The following PSMC6 variants were observed in gnomAD, a reference collection of about 807,000 sequenced individuals.
PSMC6 encodes the protein proteasome 26S subunit, ATPase 6.
A neutral mutation model predicts 55.9 loss-of-function variants in PSMC6; 3 were observed. The observed-to-expected ratio is 0.05, with a 90% confidence interval of 0.02 to 0.14. The LOEUF is 0.14. Ranked by LOEUF, PSMC6 falls within the 10% of genes least tolerant of loss-of-function variation. PSMC6 has a pLI of 1.00. For missense variants in PSMC6, 210 were observed against 478.7 expected (o/e 0.44, Z 5.24); for synonymous variants, 137 against 155.9 (o/e 0.88, Z 0.90).
At chr14:52,714,865 C>CAAAAA (rs373579933) in intron 7 of PSMC6, among the ~76,000 whole-genome samples, 1 of 67,102 alleles carries the variant, frequency 1.5e-5, no homozygotes, top group Non-Finnish European at 2.8e-5. Flanking sequence ...GACTCCTTCT[C>CAAAAA]AAAAAAAAAA....
At chr14:52,716,689 G>C (rs1014995798) in intron 7 of PSMC6, among the ~76,000 whole-genome samples, 1 of 152,020 alleles carries the variant, frequency 6.6e-6, no homozygotes, top group East Asian at 1.9e-4. Context: ...GGAGGCAGAG[G>C]TTGCAGTGAG....
At chr14:52,708,563 C>A in intron 3 of PSMC6, 41 bp downstream of exon 3, 2 of 1,581,594 alleles carry the variant, frequency 1.3e-6, no homozygotes, top group South Asian at 2.2e-5. Flanking sequence ...AAGAAACAGT[C>A]CACCTCTCTC....
chr14:52,708,924 C>CA, intron 4 of PSMC6, 108 bp downstream of exon 4: 3 of 1,488,552 alleles, frequency 2.0e-6, no homozygotes, highest in Non-Finnish European at 2.7e-6. Flanking sequence ...GCCCATAACT[C>CA]ACAAGGATGA....
At position 52,727,868 on chromosome 14, in the gene PSMC6, T is replaced by G. The variant is rs540556182; in HGVS notation, c.*251T>G. The G allele has an allele frequency of 2.5e-5, 8 of 322,436 alleles. No individual in the cohort carries two copies. In the East Asian group the frequency reaches 4.3e-4, roughly 17 times the overall value. 20.0% of individuals were successfully genotyped at this position (322,436 alleles called of 1,614,324 possible). A position where few individuals can be genotyped will look rare whatever the true frequency, so the allele number is the denominator to read the frequency against. The stretch of plus-strand genomic sequence containing the variant: ...GCTTTTCATATTTGCTGCGTGAGCA[T>G]TTTGTAAAATATTGAAAGTGGTTTG... On this transcript the variant is annotated 3_prime_UTR_variant, in exon 14 of 14. Transcript: ENST00000445930.
At chr14:52,713,828 G>A in intron 6 of PSMC6, 53 bp from the exon 7 acceptor site, 1 of 1,183,594 alleles carries the variant, frequency 8.4e-7, no homozygotes, top group Non-Finnish European at 1.2e-6. Context: ...GTATTTGAAA[G>A]TACATTAAAA....
In PSMC6 at chr14:52,723,906, G is replaced by A. The variant is rs2139857748; in HGVS notation, c.980-59G>A. 8 of 1,595,598 alleles carry A rather than the reference G, an allele frequency of 5.0e-6. No homozygotes were observed. In the South Asian group the frequency reaches 7.9e-5, roughly 16 times the overall value. ...TCTTCAGTTTAAATTTTCGATGTGGGCATAAATCAAGTAAAGGTCTAATTT... is the reference window on the plus strand; with the variant it reads ...TCTTCAGTTTAAATTTTCGATGTGGACATAAATCAAGTAAAGGTCTAATTT... On this transcript the variant is annotated intron_variant, in intron 12 of 13. Transcript: ENST00000445930.
intron 13 of PSMC6, among the ~76,000 whole-genome samples, chr14:52,725,278 T>C (rs551527578): frequency 1.3e-5 from 2 of 152,348 alleles, no homozygotes; most frequent in South Asian, 2.1e-4. Flanking sequence ...ACGCTTTTTT[T>C]CCTTACATAT....
chr14:52,721,203 T>C lies in PSMC6; in HGVS notation c.979+13T>C, dbSNP rs1217260030. On this transcript the variant is annotated intron_variant, in intron 12 of 13. Coordinates refer to ENST00000445930, the MANE Select transcript of PSMC6 (RefSeq NM_002806.5). ...CATGGTGAAATAGGTAAGGAAGTCA[T>C]CTATTTTATATGTATTTACATTTGG... is the stretch of plus-strand genomic sequence containing the variant. 2 of 1,527,838 alleles carry C rather than the reference T, an allele frequency of 1.3e-6. No homozygotes were observed. The highest frequency in any genetic ancestry group is 2.8e-5 in the African/African-American group (2 of 71,460). 94.6% of individuals were successfully genotyped at this position (1,527,838 alleles called of 1,614,324 possible). A position where few individuals can be genotyped will look rare whatever the true frequency, so the allele number is the denominator to read the frequency against.
At chr14:52,726,149 T>C (rs1364999516) in intron 13 of PSMC6, among the ~76,000 whole-genome samples, 1 of 152,206 alleles carries the variant, frequency 6.6e-6, no homozygotes, top group Non-Finnish European at 1.5e-5. Context: ...TTACCTGCTT[T>C]AGTTTATCAT....
rs138870187 is a variant in PSMC6, at chr14:52,710,683, T to C, written c.259-418T>C. The C allele has an allele frequency of 3.3e-3, 707 of 211,724 alleles. 6 individuals are homozygous for C. Among genetic ancestry groups the C allele is most frequent in the South Asian group, 9.4e-3 (127 of 13,454 alleles). 13.1% of individuals were successfully genotyped at this position (211,724 alleles called of 1,614,324 possible). A position where few individuals can be genotyped will look rare whatever the true frequency, so the allele number is the denominator to read the frequency against. On this transcript the variant is annotated intron_variant, in intron 4 of 13. Coordinates refer to ENST00000445930, the MANE Select transcript of PSMC6 (RefSeq NM_002806.5). ...GGAAACCGTGCATTTTTCTCTACTC[T>C]CATGAGCATTTAACACATTCTTCCC...
chr14:52,721,068 A>G, intron 11 of PSMC6, 42 bp from the exon 12 acceptor site: 1 of 1,579,506 alleles, frequency 6.3e-7, no homozygotes. Flanking sequence ...CTGTATTTTA[A>G]AAAAGATAAA....
At chr14:52,725,715 A>G (rs1880383378) in intron 13 of PSMC6, among the ~76,000 whole-genome samples, 1 of 152,158 alleles carries the variant, frequency 6.6e-6, no homozygotes, top group Non-Finnish European at 1.5e-5. Flanking sequence ...GGGTTTCACC[A>G]TGTTGTCCAG....
At chr14:52,723,859 G>A in intron 12 of PSMC6, 106 bp from the exon 13 acceptor site, 1 of 1,505,532 alleles carries the variant, frequency 6.6e-7, no homozygotes, top group Non-Finnish European at 8.9e-7. Flanking sequence ...CTGATGTCTA[G>A]CTGATCAAAC....
chr14:52,727,760 T>C lies in PSMC6; in HGVS notation c.*143T>C, dbSNP rs2139862788. 1 of 538,502 alleles carries C rather than the reference T, an allele frequency of 1.9e-6. No homozygotes were observed. The highest frequency in any genetic ancestry group is 3.2e-5 in the East Asian group (1 of 31,264). The allele number at this position is 538,502 out of a possible 1,614,324, so 33.4% of individuals were successfully genotyped here. A position where few individuals can be genotyped will look rare whatever the true frequency, so the allele number is the denominator to read the frequency against. ...TGAGTAACATCATAAAAATTAGTAA[T>C]TCAACTTTTAAGATACAGAAGAAAT... is the stretch of plus-strand genomic sequence containing the variant. On this transcript the variant is annotated 3_prime_UTR_variant, in exon 14 of 14. Transcript: ENST00000445930.
chr14:52,707,300 G>A lies in PSMC6; in HGVS notation c.81G>A (p.Lys27=). Reference sequence around the variant, plus strand: ...ACAAGGAGATCGACGGCCGTCTTAAGGAGTGTGAGTGCACCTTTCTTTCCA... The same window carrying A: ...ACAAGGAGATCGACGGCCGTCTTAAAGAGTGTGAGTGCACCTTTCTTTCCA... ...LEHKEIDGRL[K]ELREQLKELT... The change falls in exon 1 of 14, where the codon AAG becomes AAA. Residue 27 remains lysine (K), a synonymous_variant. Transcript: ENST00000445930. The A allele has an allele frequency of 6.2e-7, 1 of 1,614,018 alleles. No homozygotes were observed. The highest frequency in any genetic ancestry group is 8.5e-7 in the Non-Finnish European group (1 of 1,180,024).
intron 7 of PSMC6, among the ~76,000 whole-genome samples, chr14:52,716,722 C>A (rs1435095843): frequency 1.3e-5 from 2 of 151,818 alleles, no homozygotes; most frequent in African/African-American, 2.4e-5. Flanking sequence ...CATTGCACTC[C>A]AGCCTGGGCA....
intron 4 of PSMC6, chr14:52,709,857 A>G: frequency 5.1e-6 from 1 of 196,062 alleles, no homozygotes; most frequent in Non-Finnish European, 1.1e-5. Flanking sequence ...TCAGCATTCA[A>G]AAAATTTCAC....
intron 4 of PSMC6, chr14:52,710,420 C>G (rs2041757942): frequency 6.6e-6 from 1 of 152,096 alleles, no homozygotes; most frequent in Non-Finnish European, 1.5e-5. Flanking sequence ...CAGAGTGAGA[C>G]TCCGTACTCC....
chr14:52,714,067 G>T (rs189474375), intron 7 of PSMC6, 99 bp downstream of exon 7: 2 of 764,068 alleles, frequency 2.6e-6, no homozygotes, highest in East Asian at 5.9e-5. Context: ...TTGAGACACG[G>T]TCTCACTCTG....
Sources: allele counts gnomAD v4.1 joint callset (sites outside exome capture counted in the v4.1 genomes callset), GRCh38; gene constraint gnomAD v4.1.1; transcripts MANE v1.5; gene names NCBI Gene and HGNC (gene_info 2026-07-23, HGNC 2026-07-21).